RNF19A: variants seen among roughly 807,000 people sequenced by gnomAD.
RNF19A encodes ring finger protein 19A, RBR E3 ubiquitin protein ligase.
A neutral mutation model predicts 75.7 loss-of-function variants in RNF19A; 32 were observed. That is an observed-to-expected ratio of 0.42 (90% CI 0.32 to 0.57). RNF19A has a LOEUF of 0.57. RNF19A is among the 20% of genes least tolerant of loss of function. RNF19A has a pLI of 0.10. For missense variants in RNF19A, 782 were observed against 1,036.3 expected (o/e 0.75, Z 3.37); for synonymous variants, 335 against 345.2 (o/e 0.97, Z 0.33).
At position 100,332,286 on chromosome 8, in the gene RNF19A, T is replaced by C. The variant is rs6996156; in HGVS notation, c.-243+3822A>G. On this transcript the variant is annotated intron_variant, in intron 1 of 3. Transcript: ENST00000519527. This position sits in a 1 kb window ranked among gnomAD's most constrained non-coding sequence, Gnocchi z 4.8. ...GTGGGAAGTGATTGGGTCATGGTGG[T>C]AATTTCCCCCATGTTGTTCTCATGA... is the stretch of plus-strand genomic sequence containing the variant. Among the ~76,000 whole-genome samples, 78,475 of 151,998 alleles carry C rather than the reference T, an allele frequency of 0.52. 22,759 individuals are homozygous for C. Among genetic ancestry groups the C allele is most frequent in the African/African-American group, 0.8 (33,299 of 41,458 alleles).
At chr8:100,309,808 G>C in intron 1 of RNF19A, 59 bp downstream of exon 1, 1 of 985,570 alleles carries the variant, frequency 1.0e-6, no homozygotes, top group Non-Finnish European at 1.2e-6. Flanking sequence ...GGTCGTAAGC[G>C]AGAGCCGCCC....
Position 100,332,922 on chromosome 8 carries a change from A to G in RNF19A, c.-243+3186T>C, listed in dbSNP as rs73696709. On this transcript the variant is annotated intron_variant, in intron 1 of 3. Transcript: ENST00000519527. The surrounding 1 kb of genome is among the most constrained non-coding windows in gnomAD (Gnocchi z 4.8). ...ATCATATGTGTTTCAATTTTTTTCT[A>G]TATTGCTGTTTAATCTTTCATTTTG... 0.019 allele frequency among the ~76,000 whole-genome samples: 2,903 copies of G among 151,788 alleles called. 86 individuals are homozygous for G. The highest frequency in any genetic ancestry group is 0.065 in the African/African-American group (2,711 of 41,392).
At chr8:100,298,068 A>G (rs1242220376) in intron 1 of RNF19A, among the ~76,000 whole-genome samples, 1 of 152,176 alleles carries the variant, frequency 6.6e-6, no homozygotes, top group Non-Finnish European at 1.5e-5. Context: ...ATAGATTATA[A>G]AGATTAAATA....
chr8:100,294,704 C>T (rs1293685040), intron 1 of RNF19A, among the ~76,000 whole-genome samples: 1 of 152,070 alleles, frequency 6.6e-6, no homozygotes, highest in Non-Finnish European at 1.5e-5. Context: ...AAACATCTTG[C>T]AGTTTTCCAA....
chr8:100,310,283 C>G, upstream of RNF19A: 1 of 976,190 alleles, frequency 1.0e-6, no homozygotes, highest in Non-Finnish European at 1.2e-6. Flanking sequence ...CGCGCCCGCG[C>G]AGGAGCCGCC....
At chr8:100,262,453 G>A (rs748056857) in intron 7 of RNF19A, among the ~76,000 whole-genome samples, 1 of 152,132 alleles carries the variant, frequency 6.6e-6, no homozygotes, top group Non-Finnish European at 1.5e-5. Flanking sequence ...TCCAGACAGA[G>A]AACTGCCAGT....
chr8:100,310,624 C>G (rs1822268641), upstream of RNF19A, among the ~76,000 whole-genome samples: 1 of 152,230 alleles, frequency 6.6e-6, no homozygotes. Flanking sequence ...TCCCAGAGGA[C>G]GGCAGCACCC....
At chr8:100,292,756 A>G (rs966359511) in intron 1 of RNF19A, among the ~76,000 whole-genome samples, 2 of 152,116 alleles carry the variant, frequency 1.3e-5, no homozygotes, top group African/African-American at 4.8e-5. Flanking sequence ...CACCCCCTAC[A>G]TACATACTGA....
intron 1 of RNF19A, among the ~76,000 whole-genome samples, chr8:100,315,736 T>G (rs184356662): frequency 1.3e-5 from 2 of 152,272 alleles, no homozygotes; most frequent in African/African-American, 4.8e-5. Flanking sequence ...CTTGACCTCT[T>G]GGACTCAAGC....
rs1350785099 is a variant in RNF19A, at chr8:100,257,091, A to C, written c.*1465T>G. The C allele has an allele frequency of 6.5e-6, 1 of 152,786 alleles. No individual in the cohort carries two copies. Among genetic ancestry groups the C allele is most frequent in the East Asian group, 1.9e-4 (1 of 5,194 alleles). 9.5% of individuals were successfully genotyped at this position (152,786 alleles called of 1,614,324 possible). ...GTACATTAGTATTTACATTTATTTA[A>C]CGTATGCAGTTTACACACTCATTAT... On this transcript the variant is annotated 3_prime_UTR_variant, in exon 10 of 10. Coordinates refer to ENST00000341084, the MANE Select transcript of RNF19A (RefSeq NM_183419.4).
At chr8:100,335,056 A>G (rs966233512) in intron 1 of RNF19A, among the ~76,000 whole-genome samples, 1 of 152,202 alleles carries the variant, frequency 6.6e-6, no homozygotes, top group Non-Finnish European at 1.5e-5. Flanking sequence ...GCAATACACA[A>G]TTTTTATGAC....
At chr8:100,289,618 C>T (rs1821194235) in intron 1 of RNF19A, among the ~76,000 whole-genome samples, 2 of 152,142 alleles carry the variant, frequency 1.3e-5, no homozygotes, top group South Asian at 4.1e-4. Context: ...AATAGGATGG[C>T]TAAAATTAAA....
chr8:100,265,118 T>G (rs772017560), intron 5 of RNF19A, among the ~76,000 whole-genome samples: 1 of 152,164 alleles, frequency 6.6e-6, no homozygotes, highest in Non-Finnish European at 1.5e-5. Flanking sequence ...TTCAACACAG[T>G]TATGAGTTAC....
chr8:100,264,570 T>C lies in RNF19A; in HGVS notation c.1306+101A>G, dbSNP rs564625155. On this transcript the variant is annotated intron_variant, in intron 6 of 9. Transcript: ENST00000341084. The surrounding 1 kb of genome is among the most constrained non-coding windows in gnomAD (Gnocchi z 4.7). ...AACCAAGACTTACTGCAGGCTCAATTTAAATTGTCCTCAAATTAAAAAACA... is the reference window on the plus strand; with the variant it reads ...AACCAAGACTTACTGCAGGCTCAATCTAAATTGTCCTCAAATTAAAAAACA... The C allele has an allele frequency of 3.8e-6, 3 of 788,924 alleles. No individual in the cohort carries two copies. In the East Asian group the frequency reaches 7.5e-5, roughly 20 times the overall value. 48.9% of individuals were successfully genotyped at this position (788,924 alleles called of 1,614,324 possible).
At chr8:100,262,088 A>G (rs1442251459) in intron 7 of RNF19A, among the ~76,000 whole-genome samples, 2 of 152,212 alleles carry the variant, frequency 1.3e-5, no homozygotes, top group Non-Finnish European at 2.9e-5. Flanking sequence ...GTCAGTAAGA[A>G]TAGGCTAAAA....
chr8:100,258,878 C>A lies in RNF19A; in HGVS notation c.2195G>T (p.Ser732Ile). The change falls in exon 10 of 10, where the codon AGT (serine) becomes ATT (isoleucine). Residue 732 changes from serine to isoleucine, a missense_variant. Coordinates refer to ENST00000341084, the MANE Select transcript of RNF19A (RefSeq NM_183419.4). The surrounding 1 kb of genome is among the most constrained non-coding windows in gnomAD (Gnocchi z 4.3). ...DSHSSHFSEF[S>I]CSDLESMKTS... ...TTTCATGCTTTCTAGGTCAGAACAA[C>A]TAAATTCAGAAAAATGACTAGAGTG... The A allele has an allele frequency of 6.2e-7, 1 of 1,614,156 alleles. No individual in the cohort carries two copies. The highest frequency in any genetic ancestry group is 1.1e-5 in the South Asian group (1 of 91,084).
At chr8:100,334,639 A>T (rs1186162685) in intron 1 of RNF19A, among the ~76,000 whole-genome samples, 3 of 152,150 alleles carry the variant, frequency 2.0e-5, no homozygotes, top group Admixed American at 2.0e-4. Context: ...TGGGACCAGC[A>T]TTGGTATGTT....
At position 100,258,703 on chromosome 8, in the gene RNF19A, T is replaced by C. The variant is rs536162866; in HGVS notation, c.2370A>G (p.Ser790=). The change falls in exon 10 of 10, where the codon TCA becomes TCG. Residue 790 remains serine (S), a synonymous_variant. Coordinates refer to ENST00000341084, the MANE Select transcript of RNF19A (RefSeq NM_183419.4). The surrounding 1 kb of genome is among the most constrained non-coding windows in gnomAD (Gnocchi z 4.3). Reference sequence around the variant, plus strand: ...GTTCTTCAGCAATATGATTCAACTGTGAAACTTCTGAACAGGAAGCAGTTT... The same window carrying C: ...GTTCTTCAGCAATATGATTCAACTGCGAAACTTCTGAACAGGAAGCAGTTT... ...VTQTASCSEV[S]QLNHIAEEHG... 6 of 1,614,192 alleles carry C rather than the reference T, an allele frequency of 3.7e-6. No individual in the cohort carries two copies. In the South Asian group the frequency reaches 6.6e-5, roughly 18 times the overall value.
At chr8:100,320,750 T>C (rs979605191) in intron 1 of RNF19A, among the ~76,000 whole-genome samples, 1 of 141,824 alleles carries the variant, frequency 7.1e-6, no homozygotes, top group Non-Finnish European at 1.6e-5. Context: ...GCACAGTGTC[T>C]GGCACTTAGT....
Sources: allele counts gnomAD v4.1 joint callset (sites outside exome capture counted in the v4.1 genomes callset), GRCh38; gene constraint gnomAD v4.1.1; non-coding constraint Gnocchi (gnomAD v3.1); transcripts MANE v1.5; gene names NCBI Gene and HGNC (gene_info 2026-07-23, HGNC 2026-07-21).